SPIRE2: variants seen among roughly 807,000 people sequenced by gnomAD.
SPIRE2 encodes the protein protein spire homolog 2.
SPIRE2 carries 76 observed loss-of-function variants against 80.7 expected under a neutral mutation model. The ratio of observed to expected loss-of-function variants is 0.94; its 90% CI spans 0.78 to 1.14. The LOEUF (loss-of-function observed/expected upper bound fraction) is 1.14, where lower values mean the gene tolerates loss of function less well. SPIRE2 is among the 50% of genes most tolerant of loss of function. SPIRE2 has a pLI of 0.00. For synonymous variants in SPIRE2, 535 were observed against 432.6 expected, an observed-to-expected ratio of 1.24 and a Z score of -2.94; for missense variants, 1,196 against 1,015.3, an observed-to-expected ratio of 1.18 and a Z score of -2.42.
chr16:89,831,178 G>A (rs2041377439), intron 1 of SPIRE2, among the ~76,000 whole-genome samples: 1 of 150,402 alleles, frequency 6.6e-6, no homozygotes, highest in African/African-American at 2.4e-5. Context: ...CAAAGTGCTG[G>A]GATTACAGGC....
At chr16:89,854,228 C>G (rs1016956351) in intron 3 of SPIRE2, 58 bp from the exon 4 acceptor site, 31 of 1,512,904 alleles carry the variant, frequency 2.0e-5, no homozygotes, top group Non-Finnish European at 2.7e-5. Context: ...GGACGGGGCC[C>G]GTCTTGCATC....
intron 1 of SPIRE2, among the ~76,000 whole-genome samples, chr16:89,843,494 A>C (rs925478854): frequency 3.3e-5 from 5 of 150,738 alleles, no homozygotes; most frequent in Non-Finnish European, 1.5e-5. Context: ...TCAGATGCCG[A>C]CTTACCTGCT....
chr16:89,850,776 C>T lies in SPIRE2; in HGVS notation c.645+116C>T, dbSNP rs902506157. The T allele has an allele frequency of 5.0e-5, 35 of 704,866 alleles. No homozygotes were observed. The South Asian group carries it at 6.3e-4, about 13-fold the overall frequency. 43.7% of individuals were successfully genotyped at this position (704,866 alleles called of 1,614,324 possible). On this transcript the variant is annotated intron_variant, in intron 3 of 14. Transcript: ENST00000378247. ...TGGACAGAAAGTCAGGTCGTCGGTGCGACTGCCGCTGGCATTATGTATTCC... is the reference window on the plus strand; with the variant it reads ...TGGACAGAAAGTCAGGTCGTCGGTGTGACTGCCGCTGGCATTATGTATTCC...
chr16:89,836,372 G>C, intron 1 of SPIRE2: 1 of 396,906 alleles, frequency 2.5e-6, no homozygotes, highest in Middle Eastern at 4.1e-4. Context: ...CAGCGGACCG[G>C]GGGCCGAGAA....
intron 1 of SPIRE2, among the ~76,000 whole-genome samples, chr16:89,831,151 T>C (rs983649116): frequency 6.7e-6 from 1 of 150,288 alleles, no homozygotes; most frequent in African/African-American, 2.4e-5. Context: ...CCTCGTGATC[T>C]GCCCACCTCG....
intron 7 of SPIRE2, among the ~76,000 whole-genome samples, chr16:89,858,134 C>T (rs1026293898): frequency 6.7e-6 from 1 of 150,248 alleles, no homozygotes; most frequent in African/African-American, 2.4e-5. Context: ...ATCCACCCGC[C>T]TTGGCCTCCC....
In SPIRE2 at chr16:89,863,750, G is replaced by A. The variant is rs777611698; in HGVS notation, c.1711-44G>A. The A allele has an allele frequency of 8.1e-6, 13 of 1,610,120 alleles. No individual in the cohort carries two copies. The Admixed American group carries it at 1.2e-4, about 14-fold the overall frequency. On this transcript the variant is annotated intron_variant, in intron 11 of 14. Coordinates refer to ENST00000378247, the MANE Select transcript of SPIRE2 (RefSeq NM_032451.2). The surrounding 1 kb of genome is among the most constrained non-coding windows in gnomAD (Gnocchi z 4.3). ...TAGCAGGGACAGGGCGGGACCCCAG[G>A]GAGCTTTGGACAAAGCGGGGCTCTA...
intron 1 of SPIRE2, among the ~76,000 whole-genome samples, chr16:89,830,108 T>C (rs2041364942): frequency 6.6e-6 from 1 of 151,246 alleles, no homozygotes; most frequent in South Asian, 2.1e-4. Context: ...GTGGTTAGAA[T>C]CCAGAGCTCC....
intron 1 of SPIRE2, among the ~76,000 whole-genome samples, chr16:89,829,868 C>T (rs1380745220): frequency 2.0e-5 from 3 of 151,406 alleles, no homozygotes; most frequent in South Asian, 4.1e-4. Flanking sequence ...TTCACTGTGG[C>T]GTCCCTCAGG....
chr16:89,841,249 C>T (rs1333157418), intron 1 of SPIRE2, among the ~76,000 whole-genome samples: 2 of 151,922 alleles, frequency 1.3e-5, no homozygotes, highest in African/African-American at 2.4e-5. Context: ...CTGTGCTTCC[C>T]TGCAGGGAGA....
chr16:89,859,070 C>G, intron 8 of SPIRE2, 95 bp from the exon 9 acceptor site: 1 of 1,202,604 alleles, frequency 8.3e-7, no homozygotes, highest in Non-Finnish European at 1.2e-6. Flanking sequence ...GCAGCAGACC[C>G]TGCGGCACCC....
At position 89,828,800 on chromosome 16, in the gene SPIRE2, G is replaced by A. The variant is rs2041351359; in HGVS notation, c.244+6G>A. 3.4e-6 allele frequency: 4 copies of A among 1,179,470 alleles called. No homozygotes were observed. The highest frequency in any genetic ancestry group is 4.2e-6 in the Non-Finnish European group (4 of 954,296). The allele number at this position is 1,179,470 out of a possible 1,614,324, so 73.1% of individuals were successfully genotyped here. A position where few individuals can be genotyped will look rare whatever the true frequency, so the allele number is the denominator to read the frequency against. On this transcript the variant is annotated splice_donor_region_variant and intron_variant, in intron 1 of 14. Transcript: ENST00000378247. The surrounding 1 kb of genome is among the most constrained non-coding windows in gnomAD (Gnocchi z 5.9). Reference sequence around the variant, plus strand: ...GCGGGAGCCCGAGGCCGCGGGTGAGGCCGGGGGCGGGGCAGCCGGCGGGGA... The same window carrying A: ...GCGGGAGCCCGAGGCCGCGGGTGAGACCGGGGGCGGGGCAGCCGGCGGGGA...
chr16:89,855,630 A>G lies in SPIRE2; in HGVS notation c.922A>G (p.Lys308Glu), dbSNP rs1316380474. The change falls in exon 6 of 15, where the codon AAG becomes GAG. Residue 308 changes from lysine (K) to glutamate (E), a missense_variant. Lys to Glu is a moderately conservative substitution (Grantham distance 56). Coordinates refer to ENST00000378247, the MANE Select transcript of SPIRE2 (RefSeq NM_032451.2). ...TGGGGACATCCCGCCCCGGGTGAAGAAGGACGCTCACGAGCTCATCCTGGA... is the reference window on the plus strand; with the variant it reads ...TGGGGACATCCCGCCCCGGGTGAAGGAGGACGCTCACGAGCTCATCCTGGA... The part of the protein sequence containing the change: ...VDGDIPPRVK[K>E]DAHELILDFI... The G allele has an allele frequency of 1.9e-6, 3 of 1,612,580 alleles. No homozygotes were observed. Among genetic ancestry groups the G allele is most frequent in the Non-Finnish European group, 1.7e-6 (2 of 1,179,902 alleles).
At chr16:89,842,109 T>G (rs2041511219) in intron 1 of SPIRE2, among the ~76,000 whole-genome samples, 2 of 152,086 alleles carry the variant, frequency 1.3e-5, no homozygotes, top group Non-Finnish European at 2.9e-5. Flanking sequence ...CAAAGGCCTC[T>G]GTCGGCCCCC....
Position 89,859,297 on chromosome 16 carries a change from C to T in SPIRE2, c.1405C>T (p.Pro469Ser), listed in dbSNP as rs1297963013. Residue 469 changes from proline to serine, a missense_variant, in exon 9 of 15, where the codon CCA (proline) becomes TCA (serine). Physicochemically the swap from Pro to Ser is moderately conservative, Grantham distance 74 (BLOSUM62 -1). Coordinates refer to ENST00000378247, the MANE Select transcript of SPIRE2 (RefSeq NM_032451.2). ...CACCCACCCCCCAGGAGGGACGGAG[C>T]CACCACGGCCCCGAGCTGGCAGTGC... ...SATHPPGGTEPPRPRAGSAHV... is the reference protein window; with the variant it reads ...SATHPPGGTESPRPRAGSAHV... The T allele has an allele frequency of 1.9e-6, 3 of 1,599,818 alleles. No individual in the cohort carries two copies. Among genetic ancestry groups the T allele is most frequent in the African/African-American group, 2.7e-5 (2 of 74,794 alleles).
chr16:89,870,225 A>C lies in SPIRE2; in HGVS notation c.2098A>C (p.Thr700Pro). Residue 700 changes from threonine (T) to proline (P), a missense_variant, in exon 15 of 15, where the codon ACC becomes CCC. Thr to Pro is a conservative substitution (Grantham distance 38). Coordinates refer to ENST00000378247, the MANE Select transcript of SPIRE2 (RefSeq NM_032451.2). ...LNTTPRRSRQTQSLYIPNTRT... is the reference protein window; with the variant it reads ...LNTTPRRSRQPQSLYIPNTRT... ...CACTACGCCACGACGCAGTCGCCAGACCCAATCCCTCTACATCCCTAACAC... is the reference window on the plus strand; with the variant it reads ...CACTACGCCACGACGCAGTCGCCAGCCCCAATCCCTCTACATCCCTAACAC... The C allele has an allele frequency of 6.2e-7, 1 of 1,606,766 alleles. No individual in the cohort carries two copies. The highest frequency in any genetic ancestry group is 8.5e-7 in the Non-Finnish European group (1 of 1,176,938).
Position 89,863,822 on chromosome 16 carries a change from C to CGCTGTT in SPIRE2, c.1740_1745dup (p.Leu581_Phe582insLeuLeu). On this transcript the variant is annotated inframe_insertion, in exon 12 of 15. Coordinates refer to ENST00000378247, the MANE Select transcript of SPIRE2 (RefSeq NM_032451.2). This position sits in a 1 kb window ranked among gnomAD's most constrained non-coding sequence, Gnocchi z 4.3. ...TGCTGCTGCTGCCGGGCCAAGTTCC[C>CGCTGTT]GCTGTTCTCGTGGCCGCCCAGCTGT... The CGCTGTT allele has an allele frequency of 6.2e-7, 1 of 1,614,042 alleles. No homozygotes were observed. The highest frequency in any genetic ancestry group is 8.5e-7 in the Non-Finnish European group (1 of 1,179,982).
intron 12 of SPIRE2, among the ~76,000 whole-genome samples, chr16:89,867,610 A>T (rs2041801471): frequency 1.4e-5 from 2 of 147,022 alleles, no homozygotes; most frequent in Admixed American, 6.8e-5. Context: ...TTTGAGACAG[A>T]GTTTCGCTCA....
chr16:89,863,832 G>T lies in SPIRE2; in HGVS notation c.1749G>T (p.Ser583=). The change falls in exon 12 of 15, where the codon TCG becomes TCT. Residue 583 remains serine (S), a synonymous_variant. Transcript: ENST00000378247. This position sits in a 1 kb window ranked among gnomAD's most constrained non-coding sequence, Gnocchi z 4.3. ...GCCGGGCCAAGTTCCCGCTGTTCTC[G>T]TGGCCGCCCAGCTGTCTCTTCTGCA... ...CCCRAKFPLF[S]WPPSCLFCKR... The T allele has an allele frequency of 6.2e-7, 1 of 1,614,012 alleles. No homozygotes were observed. The highest frequency in any genetic ancestry group is 8.5e-7 in the Non-Finnish European group (1 of 1,179,974).
Sources: gnomAD v4.1 joint callset for allele counts (sites outside exome capture counted in the v4.1 genomes callset) on GRCh38, gnomAD v4.1.1 for gene constraint, Gnocchi (gnomAD v3.1) non-coding constraint, MANE v1.5 for transcripts, NCBI Gene and HGNC (gene_info 2026-07-23, HGNC 2026-07-21) for gene names.